Variants in GPR155 observed in about 807,000 individuals in gnomAD.
GPR155 encodes the protein G protein-coupled receptor 155.
In GPR155, 65 loss-of-function variants were observed where a neutral mutation model predicts 93.1. That is an observed-to-expected ratio of 0.70 (90% CI 0.57 to 0.86). The LOEUF (loss-of-function observed/expected upper bound fraction) is 0.86, where lower values mean the gene tolerates loss of function less well. Among genes scored for constraint, GPR155 ranks in the 40% least tolerant of loss-of-function variants. The pLI, the probability that GPR155 is intolerant of heterozygous loss-of-function variation, is 0.00. For synonymous variants in GPR155, 319 were observed against 360.1 expected (o/e 0.89, Z 1.29); for missense variants, 838 against 1,034.8 (o/e 0.81, Z 2.61).
intron 10 of GPR155, among the ~76,000 whole-genome samples, chr2:174,457,783 G>A (rs1052695052): frequency 2.0e-5 from 3 of 151,912 alleles, no homozygotes; most frequent in Non-Finnish European, 2.9e-5. Context: ...ACAGGATCAC[G>A]TCTATTGCCC....
rs747789993 is a variant in GPR155, at chr2:174,436,191, A to C, written c.2538T>G (p.Asn846Lys). ...ATCTTTCCTGTTGGAGAGTGTTTGCATTAATAGCAGGAGGACTCTGTTCAG... is the reference window on the plus strand; with the variant it reads ...ATCTTTCCTGTTGGAGAGTGTTTGCCTTAATAGCAGGAGGACTCTGTTCAG... ...KSPEQSPPAI[N>K]ANTLQQERYK... The change falls in exon 16 of 16, where the codon AAT (asparagine) becomes AAG (lysine). Residue 846 changes from asparagine to lysine, a missense_variant. Asn to Lys is a moderately conservative substitution (Grantham distance 94). Around this residue, in one of 3 missense-constraint regions of GPR155, gnomAD observed 146 missense variants for 177.5 expected, o/e 0.82. Transcript: ENST00000392552. The C allele has an allele frequency of 4.3e-6, 7 of 1,613,864 alleles. No homozygotes were observed. The African/African-American group carries it at 9.3e-5, about 22-fold the overall frequency.
At chr2:174,462,321 T>G (rs1687721425) in intron 7 of GPR155, among the ~76,000 whole-genome samples, 1 of 152,126 alleles carries the variant, frequency 6.6e-6, no homozygotes. Flanking sequence ...AAACATTTTT[T>G]TTTTCTTTAG....
chr2:174,486,392 G>A (rs1688481256), intron 1 of GPR155, among the ~76,000 whole-genome samples: 1 of 152,136 alleles, frequency 6.6e-6, no homozygotes, highest in Admixed American at 6.5e-5. Context: ...GTCTTTGCCT[G>A]GCGTAAGAAA....
intron 3 of GPR155, 100 bp downstream of exon 3, chr2:174,472,865 A>C (rs1688035442): frequency 1.1e-6 from 1 of 872,696 alleles, no homozygotes; most frequent in African/African-American, 1.7e-5. Flanking sequence ...AGGGGTTATT[A>C]ATATTCAAAG....
At chr2:174,452,196 G>T (rs1411684274) in intron 11 of GPR155, among the ~76,000 whole-genome samples, 1 of 151,920 alleles carries the variant, frequency 6.6e-6, no homozygotes, top group African/African-American at 2.4e-5. Context: ...AGGGTTTCTT[G>T]TAAAAGAAAA....
intron 2 of GPR155, among the ~76,000 whole-genome samples, chr2:174,477,560 G>A (rs1440302021): frequency 1.3e-5 from 2 of 152,118 alleles, no homozygotes; most frequent in Non-Finnish European, 2.9e-5. Flanking sequence ...TAAATTACTA[G>A]AATAGGGTTC....
chr2:174,466,572 A>G lies in GPR155; in HGVS notation c.1238T>C (p.Met413Thr). The G allele has an allele frequency of 6.3e-7, 1 of 1,583,602 alleles. No homozygotes were observed. The change falls in exon 6 of 16, where the codon ATG becomes ACG. Residue 413 changes from methionine to threonine, a missense_variant. Physicochemically the swap from Met to Thr is moderately conservative, Grantham distance 81 (BLOSUM62 -1). Around this residue, in one of 3 missense-constraint regions of GPR155, gnomAD observed 663 missense variants for 790.1 expected, o/e 0.84. Transcript: ENST00000392552. ...LSKKYKQLPH[M>T]LTTNLLIAQS... ...AGCAATGAGTAAATTAGTTGTAAGC[A>G]TATGAGGAAGCTGTTTATATTTCTT...
In GPR155 at chr2:174,468,960, G is replaced by C; in HGVS notation, c.1134C>G (p.Ala378=). The C allele has an allele frequency of 6.2e-7, 1 of 1,613,926 alleles. No individual in the cohort carries two copies. Among genetic ancestry groups the C allele is most frequent in the Non-Finnish European group, 8.5e-7 (1 of 1,179,836 alleles). ...PTMDPKPLAY[A]IQNVSFDISI... ...TTATATCAAAACTAACATTCTGGAT[G>C]GCATATGCCAATGGCTTAGGGTCCA... Residue 378 remains alanine, a synonymous_variant, in exon 5 of 16, where the codon GCC becomes GCG. Coordinates refer to ENST00000392552, the MANE Select transcript of GPR155 (RefSeq NM_152529.7).
At chr2:174,473,692 G>A (rs570746489) in intron 2 of GPR155, among the ~76,000 whole-genome samples, 4 of 152,168 alleles carry the variant, frequency 2.6e-5, no homozygotes, top group African/African-American at 9.6e-5. Context: ...AAAAATCTAG[G>A]GACAAACTAA....
At chr2:174,466,494 G>A in intron 6 of GPR155, 50 bp downstream of exon 6, 4 of 1,011,314 alleles carry the variant, frequency 4.0e-6, no homozygotes, top group Non-Finnish European at 6.1e-6. Context: ...CTCTACAGTA[G>A]AATAATCCAT....
chr2:174,467,030 G>A (rs1287179441), intron 5 of GPR155, among the ~76,000 whole-genome samples: 6 of 151,920 alleles, frequency 3.9e-5, no homozygotes, highest in African/African-American at 7.2e-5. Flanking sequence ...AGTGGCGGGC[G>A]CCTGTAATCC....
intron 10 of GPR155, 75 bp from the exon 11 acceptor site, chr2:174,453,916 A>T (rs1687409018): frequency 1.0e-6 from 1 of 959,836 alleles, no homozygotes; most frequent in Non-Finnish European, 1.7e-6. Flanking sequence ...AATGCCAAAG[A>T]AAACAAAACA....
At chr2:174,471,631 T>C (rs1485599624) in intron 3 of GPR155, among the ~76,000 whole-genome samples, 1 of 152,110 alleles carries the variant, frequency 6.6e-6, no homozygotes, top group African/African-American at 2.4e-5. Flanking sequence ...GGCTCTCCTT[T>C]AAAATCAGCA....
At chr2:174,485,412 C>CA (rs1285686229) in intron 1 of GPR155, among the ~76,000 whole-genome samples, 1 of 152,122 alleles carries the variant, frequency 6.6e-6, no homozygotes, top group Non-Finnish European at 1.5e-5. Flanking sequence ...GCCTGGCCAG[C>CA]ATGGTGAAAC....
At chr2:174,460,414 G>T (rs533243324) in intron 9 of GPR155, among the ~76,000 whole-genome samples, 3 of 151,742 alleles carry the variant, frequency 2.0e-5, no homozygotes, top group Non-Finnish European at 4.4e-5. Context: ...CACCCGCCTC[G>T]GCCTCCCAAA....
In GPR155 at chr2:174,436,371, C is replaced by G. The variant is rs1686783649; in HGVS notation, c.2358G>C (p.Leu786=). 6.2e-7 allele frequency: 1 copy of G among 1,614,080 alleles called. No homozygotes were observed. The highest frequency in any genetic ancestry group is 8.5e-7 in the Non-Finnish European group (1 of 1,180,042). The change falls in exon 16 of 16, where the codon CTG becomes CTC. Residue 786 remains leucine (L), a synonymous_variant. Transcript: ENST00000392552. Reference sequence around the variant, plus strand: ...GGCCGACTTCAATTAGCCAGCTCACCAGGTCACAGCCACAGAAAGTTCCAG... The same window carrying G: ...GGCCGACTTCAATTAGCCAGCTCACGAGGTCACAGCCACAGAAAGTTCCAG... The part of the protein sequence containing the change: ...TSAGTFCGCD[L]VSWLIEVGLA...
At chr2:174,482,962 G>A (rs777724450) in intron 1 of GPR155, 6 of 151,924 alleles carry the variant, frequency 3.9e-5, no homozygotes, top group Non-Finnish European at 8.8e-5. Context: ...TATAACTTTT[G>A]GTAGAACATG....
At chr2:174,438,922 C>G (rs1686871859) in intron 15 of GPR155, among the ~76,000 whole-genome samples, 1 of 152,216 alleles carries the variant, frequency 6.6e-6, no homozygotes, top group South Asian at 2.1e-4. Context: ...AGAAAGTGGG[C>G]TATGCCTATC....
chr2:174,436,260 T>C lies in GPR155; in HGVS notation c.2469A>G (p.Glu823=), dbSNP rs1574687242. Reference sequence around the variant, plus strand: ...TGTAAAACAAGTACTCATCCCGGAATTCATACTCGTTGGTAATATGTTGGA... The same window carrying C: ...TGTAAAACAAGTACTCATCCCGGAACTCATACTCGTTGGTAATATGTTGGA... ...GVIQHITNEY[E]FRDEYLFYRF... is the part of the protein sequence containing the mutation. The change falls in exon 16 of 16, where the codon GAA becomes GAG. Residue 823 remains glutamate, a synonymous_variant. Transcript: ENST00000392552. 1 of 1,614,188 alleles carries C rather than the reference T, an allele frequency of 6.2e-7. No individual in the cohort carries two copies. The highest frequency in any genetic ancestry group is 8.5e-7 in the Non-Finnish European group (1 of 1,179,998).
Sources: allele counts gnomAD v4.1 joint callset (sites outside exome capture counted in the v4.1 genomes callset), GRCh38; gene constraint gnomAD v4.1.1; regional missense constraint gnomAD v4.1.1; transcripts MANE v1.5; gene names NCBI Gene and HGNC (gene_info 2026-07-23, HGNC 2026-07-21).